LARP4B: variants seen among roughly 807,000 people sequenced by gnomAD.
The protein encoded by LARP4B is la-related protein 4B.
Under a neutral mutation model 89.8 loss-of-function variants are expected in LARP4B, and 12 were observed. That is an observed-to-expected ratio of 0.13 (90% CI 0.09 to 0.22). The LOEUF (loss-of-function observed/expected upper bound fraction) is 0.22, where lower values mean the gene tolerates loss of function less well. Among genes scored for constraint, LARP4B ranks in the 10% least tolerant of loss-of-function variants. The pLI, the probability that LARP4B is intolerant of heterozygous loss-of-function variation, is 1.00. For synonymous variants in LARP4B, 367 were observed against 363.3 expected (o/e 1.01, Z -0.12); for missense variants, 757 against 947.7 (o/e 0.80, Z 2.64).
intron 1 of LARP4B, among the ~76,000 whole-genome samples, chr10:923,503 T>TAA (rs201722042): frequency 2.5e-4 from 31 of 122,740 alleles, no homozygotes; most frequent in Admixed American, 3.3e-4. Context: ...ATGGACCCAG[T>TAA]AAAAAAAAAA....
chr10:892,741 G>A (rs998727585), intron 1 of LARP4B, among the ~76,000 whole-genome samples: 3 of 151,748 alleles, frequency 2.0e-5, no homozygotes, highest in East Asian at 1.9e-4. Flanking sequence ...GGGTTTCACC[G>A]TGTTAGCCAG....
intron 1 of LARP4B, among the ~76,000 whole-genome samples, chr10:922,267 T>C (rs938051975): frequency 1.3e-5 from 2 of 152,216 alleles, no homozygotes; most frequent in Non-Finnish European, 2.9e-5. Context: ...GCTCAGGCAG[T>C]AATGCTCACT....
Position 844,948 on chromosome 10 carries a change from G to A in LARP4B, c.509+29C>T, listed in dbSNP as rs1332546633. 4 of 1,523,272 alleles carry A rather than the reference G, an allele frequency of 2.6e-6. No individual in the cohort carries two copies. In the Admixed American group the frequency reaches 7.5e-5, roughly 28 times the overall value. 94.4% of individuals were successfully genotyped at this position (1,523,272 alleles called of 1,614,324 possible). On this transcript the variant is annotated intron_variant, in intron 6 of 17. Transcript: ENST00000316157. ...TATTTGCACAATACTAGAAATATCA[G>A]GTACTAGAAAAACCACCACCAGCCT...
chr10:975,917 T>C, the LARP4B span, among the ~76,000 whole-genome samples: 2 of 149,894 alleles, frequency 1.3e-5, no homozygotes, highest in African/African-American at 5.0e-5. Context: ...GTGCAACGTG[T>C]GGACCCGGCC....
At chr10:877,979 G>T (rs1317326571) in intron 3 of LARP4B, among the ~76,000 whole-genome samples, 3 of 152,188 alleles carry the variant, frequency 2.0e-5, no homozygotes, top group African/African-American at 7.2e-5. Flanking sequence ...GATAGATGGG[G>T]CTCGCTGAGA....
intron 1 of LARP4B, among the ~76,000 whole-genome samples, chr10:922,632 A>G (rs1304177566): frequency 6.6e-6 from 1 of 151,750 alleles, no homozygotes; most frequent in Non-Finnish European, 1.5e-5. Flanking sequence ...ACACCACTAC[A>G]CTCCACTCCT....
chr10:901,169 C>T (rs1043529176), intron 1 of LARP4B, among the ~76,000 whole-genome samples: 4 of 152,112 alleles, frequency 2.6e-5, no homozygotes, highest in African/African-American at 7.2e-5. Flanking sequence ...CCCGCCTCGG[C>T]CTCCCAAAGT....
intron 3 of LARP4B, among the ~76,000 whole-genome samples, chr10:868,419 A>C (rs1835027661): frequency 6.6e-6 from 1 of 151,224 alleles, no homozygotes; most frequent in South Asian, 2.1e-4. Flanking sequence ...CAGCACTTTG[A>C]AAATTGAAGC....
At chr10:899,103 C>T (rs911595641) in intron 1 of LARP4B, among the ~76,000 whole-genome samples, 2 of 152,138 alleles carry the variant, frequency 1.3e-5, no homozygotes, top group African/African-American at 4.8e-5. Context: ...TTTTTTCTTA[C>T]AATATGGTAC....
intron 1 of LARP4B, among the ~76,000 whole-genome samples, chr10:922,600 G>T (rs1280834185): frequency 1.3e-5 from 2 of 151,946 alleles, no homozygotes; most frequent in Non-Finnish European, 1.5e-5. Context: ...TCAGAAATTG[G>T]AGGCTGCAGT....
the LARP4B span, among the ~76,000 whole-genome samples, chr10:952,341 A>AAAAG: frequency 7.0e-6 from 1 of 142,402 alleles, no homozygotes; most frequent in African/African-American, 2.6e-5. Context: ...CTCCATCTCA[A>AAAAG]AAAAAAAAAA....
the LARP4B span, among the ~76,000 whole-genome samples, chr10:978,190 C>CTCATTCCTTCATTTTATTTGTTCT: frequency 6.6e-6 from 1 of 151,636 alleles, no homozygotes; most frequent in Non-Finnish European, 1.5e-5. Context: ...TGAATTTCTG[C>CTCATTCCTTCATTTTATTTGTTCT]TCATTCCTTC....
chr10:877,745 T>C (rs1835514634), intron 3 of LARP4B, among the ~76,000 whole-genome samples: 1 of 152,156 alleles, frequency 6.6e-6, no homozygotes. Context: ...ATTACCACCA[T>C]ATGTGATATA....
chr10:919,187 G>A (rs900682491), intron 1 of LARP4B, among the ~76,000 whole-genome samples: 1 of 152,024 alleles, frequency 6.6e-6, no homozygotes, highest in African/African-American at 2.4e-5. Flanking sequence ...TTAAGTACAG[G>A]GCCTGTATCT....
intron 1 of LARP4B, among the ~76,000 whole-genome samples, chr10:924,893 C>T (rs149340652): frequency 1.9e-4 from 29 of 152,350 alleles, no homozygotes; most frequent in African/African-American, 2.6e-4. Context: ...AACTATTTAG[C>T]GCATGCTACC....
intron 5 of LARP4B, among the ~76,000 whole-genome samples, chr10:845,758 T>C (rs769169576): frequency 6.6e-6 from 1 of 152,220 alleles, no homozygotes; most frequent in Non-Finnish European, 1.5e-5. Context: ...CTCCGGACAC[T>C]GCATAAAGAG....
chr10:965,527 G>A, the LARP4B span, among the ~76,000 whole-genome samples: 3 of 152,108 alleles, frequency 2.0e-5, no homozygotes, highest in East Asian at 1.9e-4. Flanking sequence ...CAGCAGACGC[G>A]ATGGAAGAAT....
chr10:833,270 A>AAAAC (rs1833011023), intron 8 of LARP4B, among the ~76,000 whole-genome samples: 1 of 149,254 alleles, frequency 6.7e-6, no homozygotes, highest in South Asian at 2.1e-4. Context: ...AAAAAAAAAA[A>AAAAC]AAAAAAAAAA....
chr10:829,443 T>C lies in LARP4B; in HGVS notation c.1067A>G (p.Tyr356Cys), dbSNP rs768082053. 1 of 1,614,104 alleles carries C rather than the reference T, an allele frequency of 6.2e-7. No individual in the cohort carries two copies. The highest frequency in any genetic ancestry group is 8.5e-7 in the Non-Finnish European group (1 of 1,180,008). The change falls in exon 11 of 18, where the codon TAC becomes TGC. Residue 356 changes from tyrosine to cysteine, a missense_variant. Physicochemically the swap from Tyr to Cys is radical, Grantham distance 194. Coordinates refer to ENST00000316157, the MANE Select transcript of LARP4B (RefSeq NM_015155.3). Reference sequence around the variant, plus strand: ...CCACGTCTGGGGAGTGATCAGGCTGTACAGGGGGAACTGCTGCTGGGGGCT... The same window carrying C: ...CCACGTCTGGGGAGTGATCAGGCTGCACAGGGGGAACTGCTGCTGGGGGCT... Reference protein sequence around the residue: ...MYSPQQQFPLYSLITPQTWSA... With the variant: ...MYSPQQQFPLCSLITPQTWSA...
Sources: gnomAD v4.1 joint callset for allele counts (sites outside exome capture counted in the v4.1 genomes callset) on GRCh38, gnomAD v4.1.1 for gene constraint, MANE v1.5 for transcripts, NCBI Gene and HGNC (gene_info 2026-07-23, HGNC 2026-07-21) for gene names.